Variants in KSR2 observed in about 807,000 individuals in gnomAD.
KSR2 encodes the protein kinase suppressor of ras 2.
In KSR2, 25 loss-of-function variants were observed where a neutral mutation model predicts 107.8. The observed-to-expected ratio is 0.23, with a 90% confidence interval of 0.17 to 0.32. The LOEUF (loss-of-function observed/expected upper bound fraction) is 0.32, where lower values mean the gene tolerates loss of function less well. Ranked by LOEUF, KSR2 falls within the 10% of genes least tolerant of loss-of-function variation. The pLI, the probability that KSR2 is intolerant of heterozygous loss-of-function variation, is 1.00. For synonymous variants in KSR2, 480 were observed against 507.0 expected, an observed-to-expected ratio of 0.95 and a Z score of 0.71; for missense variants, 887 against 1,268.9, an observed-to-expected ratio of 0.70 and a Z score of 4.57.
rs1872420519 is a variant in KSR2, at chr12:117,485,646, T to A, written c.2265A>T (p.Lys755Asn). 1.7e-5 allele frequency: 27 copies of A among 1,613,674 alleles called. No individual in the cohort carries two copies. The highest frequency in any genetic ancestry group is 2.3e-5 in the Non-Finnish European group (27 of 1,179,648). ...RTLYSVVRDA[K>N]IVLDVNKTRQ... ...TGGTTTTGTTGACATCCAAAACGATTTTGGCATCCCTCACAACGGAATAGA... is the reference window on the plus strand; with the variant it reads ...TGGTTTTGTTGACATCCAAAACGATATTGGCATCCCTCACAACGGAATAGA... Residue 755 changes from lysine to asparagine, a missense_variant, in exon 15 of 20, where the codon AAA (lysine) becomes AAT (asparagine). By Grantham distance (94) the Lys-to-Asn change is moderately conservative. Coordinates refer to ENST00000339824, the MANE Select transcript of KSR2 (RefSeq NM_173598.6).
chr12:117,784,949 CTCTA>C (rs1890011294), intron 3 of KSR2, among the ~76,000 whole-genome samples: 1 of 152,236 alleles, frequency 6.6e-6, no homozygotes, highest in Non-Finnish European at 1.5e-5. Context: ...GACAGTCTGA[CTCTA>C]ACCAGACTAC....
intron 10 of KSR2, among the ~76,000 whole-genome samples, chr12:117,533,809 G>T (rs769559109): frequency 6.6e-5 from 10 of 152,128 alleles, no homozygotes; most frequent in Non-Finnish European, 1.2e-4. Flanking sequence ...TCCGAGAAGG[G>T]ACAGGTGTCA....
chr12:117,804,390 G>C (rs6490155), intron 3 of KSR2, among the ~76,000 whole-genome samples: 21,995 of 152,134 alleles, frequency 0.14, 2,388 homozygotes, highest in African/African-American at 0.29. Context: ...GAATTGAGTC[G>C]TTTCAACAAA....
At chr12:117,539,665 A>G in intron 10 of KSR2, 54 bp downstream of exon 10, 1 of 1,496,976 alleles carries the variant, frequency 6.7e-7, no homozygotes, top group Non-Finnish European at 8.9e-7. Flanking sequence ...CCCCCTCCCT[A>G]ATCTCTGCCC....
chr12:117,815,303 G>A (rs1162260143), intron 3 of KSR2, among the ~76,000 whole-genome samples: 1 of 152,056 alleles, frequency 6.6e-6, no homozygotes, highest in East Asian at 1.9e-4. Context: ...TACACAATTA[G>A]GGATCATTAC....
chr12:117,951,033 A>G (rs982483719), intron 1 of KSR2, among the ~76,000 whole-genome samples: 3 of 151,748 alleles, frequency 2.0e-5, no homozygotes, highest in African/African-American at 7.3e-5. Context: ...TTAGCCTCCC[A>G]AGTAGCTGGG....
intron 16 of KSR2, among the ~76,000 whole-genome samples, chr12:117,483,308 T>A (rs2137138452): frequency 6.6e-6 from 1 of 152,092 alleles, no homozygotes; most frequent in African/African-American, 2.4e-5. Context: ...TATAACAGAT[T>A]CAAGGTGTCA....
intron 4 of KSR2, among the ~76,000 whole-genome samples, chr12:117,704,509 A>C (rs1379904007): frequency 6.6e-6 from 1 of 151,980 alleles, no homozygotes; most frequent in Non-Finnish European, 1.5e-5. Context: ...TAAAATATTT[A>C]CTCTGTGGTC....
At chr12:117,929,120 C>G (rs747426826) in intron 1 of KSR2, among the ~76,000 whole-genome samples, 4 of 152,188 alleles carry the variant, frequency 2.6e-5, no homozygotes, top group Non-Finnish European at 1.5e-5. Context: ...CTTCACATCT[C>G]TGCATCTCAA....
intron 3 of KSR2, among the ~76,000 whole-genome samples, chr12:117,788,889 T>C (rs886447974): frequency 2.0e-5 from 3 of 152,198 alleles, no homozygotes; most frequent in Non-Finnish European, 2.9e-5. Context: ...TGATTCTCTC[T>C]CCATTAAAAA....
At chr12:117,757,248 A>G (rs1174282817) in intron 4 of KSR2, among the ~76,000 whole-genome samples, 1 of 152,216 alleles carries the variant, frequency 6.6e-6, no homozygotes, top group Non-Finnish European at 1.5e-5. Context: ...CGGTGGAAAC[A>G]GCAAGAGAAC....
chr12:117,593,362 G>C (rs1880436296), intron 5 of KSR2, among the ~76,000 whole-genome samples: 1 of 152,226 alleles, frequency 6.6e-6, no homozygotes, highest in African/African-American at 2.4e-5. Context: ...TAAACCAACA[G>C]AAACAGCAGT....
intron 3 of KSR2, among the ~76,000 whole-genome samples, chr12:117,849,613 A>C (rs148945044): frequency 1.3e-5 from 2 of 152,342 alleles, no homozygotes; most frequent in East Asian, 3.9e-4. Context: ...TGGGCACTGG[A>C]AAATAAAGAT....
intron 16 of KSR2, 92 bp from the exon 17 acceptor site, chr12:117,476,687 T>G: frequency 3.0e-6 from 4 of 1,346,834 alleles, no homozygotes; most frequent in Non-Finnish European, 3.0e-6. Context: ...GAGCCATCTC[T>G]GCTGCCCTTC....
chr12:117,485,466 T>A, intron 15 of KSR2, 129 bp downstream of exon 15: 1 of 657,416 alleles, frequency 1.5e-6, no homozygotes, highest in Non-Finnish European at 2.7e-6. Flanking sequence ...CAAGTCTAAT[T>A]TCTTTTAAGT....
intron 5 of KSR2, among the ~76,000 whole-genome samples, chr12:117,612,412 A>G (rs1254459492): frequency 6.6e-6 from 1 of 152,108 alleles, no homozygotes; most frequent in African/African-American, 2.4e-5. Flanking sequence ...CAAAAACAAA[A>G]AAAAGGTAAA....
At chr12:117,731,110 C>G (rs1887661029) in intron 4 of KSR2, among the ~76,000 whole-genome samples, 1 of 151,344 alleles carries the variant, frequency 6.6e-6, no homozygotes, top group Non-Finnish European at 1.5e-5. Context: ...GGGAGCGCCT[C>G]TGCCCAGCCG....
chr12:117,637,675 GTT>G (rs56169273), intron 5 of KSR2, among the ~76,000 whole-genome samples: 8 of 92,080 alleles, frequency 8.7e-5, no homozygotes, highest in Non-Finnish European at 9.9e-5. Flanking sequence ...TCAGTTTTGG[GTT>G]TTTTTTTTTT....
At chr12:117,536,363 C>T (rs1310126878) in intron 10 of KSR2, among the ~76,000 whole-genome samples, 1 of 152,162 alleles carries the variant, frequency 6.6e-6, no homozygotes, top group Non-Finnish European at 1.5e-5. Flanking sequence ...TTGCTAAAAC[C>T]ACCTAAGACA....
Sources: allele counts gnomAD v4.1 joint callset (sites outside exome capture counted in the v4.1 genomes callset), GRCh38; gene constraint gnomAD v4.1.1; transcripts MANE v1.5; gene names NCBI Gene and HGNC (gene_info 2026-07-23, HGNC 2026-07-21).